Variants in ANKRD30BL observed in about 807,000 individuals in gnomAD.
The protein encoded by ANKRD30BL is ankyrin repeat domain 30B like.
In ANKRD30BL, 20 loss-of-function variants were observed where a neutral mutation model predicts 18.4. That is an observed-to-expected ratio of 1.09 (90% CI 0.77 to 1.58). ANKRD30BL has a LOEUF of 1.58. ANKRD30BL is among the 40% of genes most tolerant of loss of function. The pLI is 0.00. For synonymous variants in ANKRD30BL, 72 were observed against 100.9 expected, an observed-to-expected ratio of 0.71 and a Z score of 1.72; for missense variants, 224 against 268.6, an observed-to-expected ratio of 0.83 and a Z score of 1.16.
intron 1 of ANKRD30BL, among the ~76,000 whole-genome samples, chr2:132,199,125 G>A (rs949058378): frequency 3.3e-5 from 5 of 152,122 alleles, no homozygotes; most frequent in African/African-American, 1.2e-4. Context: ...GCCGAGGCGG[G>A]CAGATCAGAA....
intron 1 of ANKRD30BL, among the ~76,000 whole-genome samples, chr2:132,207,290 G>A (rs1481168028): frequency 6.6e-6 from 1 of 151,962 alleles, no homozygotes; most frequent in African/African-American, 2.4e-5. Flanking sequence ...ATACCAATCA[G>A]GAGATAAACA....
At chr2:132,162,116 T>A (rs1688090805), upstream of ANKRD30BL, among the ~76,000 whole-genome samples, 1 of 152,036 alleles carries the variant, frequency 6.6e-6, no homozygotes, top group South Asian at 2.1e-4. Flanking sequence ...CCCTGCCACA[T>A]GGCCTGCTTG....
chr2:132,215,087 T>C (rs1377465929), intron 1 of ANKRD30BL, among the ~76,000 whole-genome samples: 3 of 152,038 alleles, frequency 2.0e-5, no homozygotes, highest in Non-Finnish European at 4.4e-5. Context: ...AGTTGAACCT[T>C]TGTTTTCATT....
chr2:132,247,324 C>T (rs1039084140), intron 1 of ANKRD30BL, among the ~76,000 whole-genome samples: 1 of 151,740 alleles, frequency 6.6e-6, no homozygotes, highest in Non-Finnish European at 1.5e-5. Flanking sequence ...AATATCTTCA[C>T]ATAAAAACTA....
At chr2:132,231,083 G>C (rs1206016385) in intron 1 of ANKRD30BL, among the ~76,000 whole-genome samples, 1 of 151,566 alleles carries the variant, frequency 6.6e-6, no homozygotes, top group Admixed American at 6.6e-5. Flanking sequence ...GAGCAGGTTT[G>C]AAACACTTTT....
Position 132,184,703 on chromosome 2 carries a change from C to CTTT in ANKRD30BL, n.442-27560_442-27558dup, listed in dbSNP as rs76215687. Among the ~76,000 whole-genome samples, 772 of 148,250 alleles carry CTTT rather than the reference C, an allele frequency of 5.2e-3. 12 individuals are homozygous for CTTT. Among genetic ancestry groups the CTTT allele is most frequent in the African/African-American group, 0.018 (726 of 40,508 alleles). On this transcript the variant is annotated intron_variant and non_coding_transcript_variant, in intron 1 of 4. Coordinates refer to the ANKRD30BL transcript ENST00000470729. ...TGAAACGCATCATCCTATATCTTTC[C>CTTT]TTTTTTTTTTCTGATTTTGTGACTT...
At chr2:132,221,808 G>A (rs1418496942) in intron 1 of ANKRD30BL, among the ~76,000 whole-genome samples, 8 of 117,610 alleles carry the variant, frequency 6.8e-5, no homozygotes, top group Non-Finnish European at 8.5e-5. Flanking sequence ...CGCCCCGTCC[G>A]GGAGGGAGGT....
intron 1 of ANKRD30BL, among the ~76,000 whole-genome samples, chr2:132,256,129 G>A (rs956373327): frequency 3.9e-5 from 6 of 152,356 alleles, no homozygotes; most frequent in African/African-American, 1.4e-4. Context: ...TACCAGCCCT[G>A]CGTACTTAGA....
At chr2:132,166,328 C>T (rs1424084397), upstream of ANKRD30BL, among the ~76,000 whole-genome samples, 8 of 150,928 alleles carry the variant, frequency 5.3e-5, no homozygotes, top group East Asian at 1.6e-3. Flanking sequence ...GATGTGTTCT[C>T]TCTAATTCCA....
intron 1 of ANKRD30BL, among the ~76,000 whole-genome samples, chr2:132,249,605 G>T (rs1202801922): frequency 4.6e-5 from 7 of 151,728 alleles, no homozygotes; most frequent in Non-Finnish European, 7.4e-5. Flanking sequence ...CAAAAAAAAA[G>T]TTTCTCAGAA....
intron 1 of ANKRD30BL, among the ~76,000 whole-genome samples, chr2:132,238,257 G>T (rs1680215217): frequency 6.6e-6 from 1 of 151,838 alleles, no homozygotes; most frequent in African/African-American, 2.4e-5. Flanking sequence ...ATTTACAAGT[G>T]GATATTAGGA....
At chr2:132,253,145 A>G in intron 1 of ANKRD30BL, 1 of 208,500 alleles carries the variant, frequency 4.8e-6, no homozygotes, top group South Asian at 5.7e-5. Flanking sequence ...GGGGATTTTG[A>G]TTGGCAAGTG....
chr2:132,250,203 T>C lies in ANKRD30BL; in HGVS notation n.441+7326A>G, dbSNP rs1371477440. On this transcript the variant is annotated intron_variant and non_coding_transcript_variant, in intron 1 of 4. Transcript: ENST00000470729. ...ACCTCAAAGCACTCACAAATATCAC[T>C]TTGCAGATTGTACAAGAACAGAGTT... Among the ~76,000 whole-genome samples the C allele has an allele frequency of 2.0e-5, 3 of 152,212 alleles. No homozygotes were observed. The East Asian group carries it at 5.8e-4, about 29-fold the overall frequency.
chr2:132,232,028 C>T (rs1680034802), intron 1 of ANKRD30BL, among the ~76,000 whole-genome samples: 1 of 152,252 alleles, frequency 6.6e-6, no homozygotes, highest in Admixed American at 6.5e-5. Flanking sequence ...TCCCTGACCC[C>T]TGACCCCCGA....
intron 1 of ANKRD30BL, among the ~76,000 whole-genome samples, chr2:132,207,231 A>G (rs1014436411): frequency 1.3e-5 from 2 of 152,198 alleles, no homozygotes; most frequent in African/African-American, 4.8e-5. Context: ...CTGTGTGTTT[A>G]AAATAGCATT....
intron 1 of ANKRD30BL, among the ~76,000 whole-genome samples, chr2:132,219,118 G>A (rs1679595071): frequency 1.3e-5 from 2 of 151,642 alleles, no homozygotes; most frequent in African/African-American, 2.4e-5. Context: ...AGTGCCTTGA[G>A]GCCTATGGTG....
intron 1 of ANKRD30BL, among the ~76,000 whole-genome samples, chr2:132,168,950 C>T (rs187623025): frequency 0.2 from 30,160 of 149,820 alleles, 3,298 homozygotes; most frequent in Non-Finnish European, 0.25. Flanking sequence ...GATACATTTT[C>T]TAACAATTAT....
upstream of ANKRD30BL, among the ~76,000 whole-genome samples, chr2:132,162,943 C>T (rs942474216): frequency 2.0e-5 from 3 of 152,174 alleles, no homozygotes; most frequent in South Asian, 4.1e-4. Flanking sequence ...GCACGGATGG[C>T]GGGTCCCGTT....
chr2:132,233,989 T>C (rs1680086580), intron 1 of ANKRD30BL, among the ~76,000 whole-genome samples: 1 of 152,060 alleles, frequency 6.6e-6, no homozygotes, highest in African/African-American at 2.4e-5. Flanking sequence ...CAACTATCTC[T>C]CAGACCACAG....
Sources: gnomAD v4.1 joint callset for allele counts (sites outside exome capture counted in the v4.1 genomes callset) on GRCh38, gnomAD v4.1.1 for gene constraint, MANE v1.5 for transcripts, NCBI Gene and HGNC (gene_info 2026-07-23, HGNC 2026-07-21) for gene names.